ZC3H4: variants seen among roughly 807,000 people sequenced by gnomAD.
The protein encoded by ZC3H4 is zinc finger CCCH-type containing 4, also known as zinc finger CCCH domain-containing protein 4.
ZC3H4 carries 13 observed loss-of-function variants against 108.3 expected under a neutral mutation model. That is an observed-to-expected ratio of 0.12 (90% CI 0.08 to 0.19). ZC3H4 has a LOEUF of 0.19. ZC3H4 is among the 10% of genes least tolerant of loss of function. The pLI is 1.00. For synonymous variants in ZC3H4, 917 were observed against 749.6 expected (o/e 1.22, Z -3.65); for missense variants, 1,734 against 1,838.8 (o/e 0.94, Z 1.04).
intron 8 of ZC3H4, 75 bp from the exon 9 acceptor site, chr19:47,084,530 C>G: frequency 6.9e-7 from 1 of 1,447,092 alleles, no homozygotes; most frequent in Non-Finnish European, 9.7e-7. Flanking sequence ...TAATAAGAAG[C>G]ACGGGAGAAG....
rs747013765 is a variant in ZC3H4 at position 47,072,600 on chromosome 19, G to C, written c.1554C>G (p.Pro518=). The C allele has an allele frequency of 6.2e-7, 1 of 1,606,438 alleles. No homozygotes were observed. Among genetic ancestry groups the C allele is most frequent in the South Asian group, 1.1e-5 (1 of 90,380 alleles). The change falls in exon 12 of 15, where the codon CCC becomes CCG. Residue 518 remains proline (P), a synonymous_variant. Coordinates refer to ENST00000253048, the MANE Select transcript of ZC3H4 (RefSeq NM_015168.2). The surrounding 1 kb of genome is among the most constrained non-coding windows in gnomAD (Gnocchi z 5.6). ...PKPPPGVGLL[P]TPPRPPGPQA... ...GCGGGCCAGGGGGCCGAGGAGGGGTGGGCAGGAGGCCCACACCAGGGGGCG... is the reference window on the plus strand; with the variant it reads ...GCGGGCCAGGGGGCCGAGGAGGGGTCGGCAGGAGGCCCACACCAGGGGGCG...
At position 47,071,995 on chromosome 19, in the gene ZC3H4, G is replaced by A. The variant is rs1339315468; in HGVS notation, c.1929C>T (p.Asp643=). Residue 643 remains aspartate, a synonymous_variant, in exon 13 of 15, where the codon GAC becomes GAT. Coordinates refer to ENST00000253048, the MANE Select transcript of ZC3H4 (RefSeq NM_015168.2). ...TGTCTGCGTGCATGTCTGCGTGCATGTCAGGGTGCATGTCCGGGTGCATGT... is the reference window on the plus strand; with the variant it reads ...TGTCTGCGTGCATGTCTGCGTGCATATCAGGGTGCATGTCCGGGTGCATGT... The part of the protein sequence containing the change: ...HPDMHPDMHP[D]MHADMHADMP... 1.2e-6 allele frequency: 2 copies of A among 1,602,942 alleles called. No individual in the cohort carries two copies. Among genetic ancestry groups the A allele is most frequent in the Non-Finnish European group, 1.7e-6 (2 of 1,174,574 alleles).
intron 9 of ZC3H4, among the ~76,000 whole-genome samples, chr19:47,083,041 CTTAAT>C (rs1302764249): frequency 6.6e-6 from 1 of 152,044 alleles, no homozygotes; most frequent in Non-Finnish European, 1.5e-5. Flanking sequence ...ATTCATTTGT[CTTAAT>C]TTATTTACTT....
Position 47,072,156 on chromosome 19 carries a change from G to A in ZC3H4, c.1803-35C>T. 2 of 1,486,048 alleles carry A rather than the reference G, an allele frequency of 1.3e-6. No individual in the cohort carries two copies. Among genetic ancestry groups the A allele is most frequent in the Non-Finnish European group, 1.8e-6 (2 of 1,118,414 alleles). The allele number at this position is 1,486,048 out of a possible 1,614,324, so 92.1% of individuals were successfully genotyped here. On this transcript the variant is annotated intron_variant, in intron 12 of 14. Transcript: ENST00000253048. The surrounding 1 kb of genome is among the most constrained non-coding windows in gnomAD (Gnocchi z 5.6). ...GGAAAAGGTGCCTGTGACGGAAGCT[G>A]CCGAGGAGGGCAGTGGCCACACCCC...
rs539441902 is a variant in ZC3H4, at chr19:47,094,087, T to C, written c.382-7A>G. On this transcript the variant is annotated splice_region_variant and splice_polypyrimidine_tract_variant and intron_variant, in intron 3 of 14. Transcript: ENST00000253048. ...CGCTAGAAGAAGCATGGCGCTGTAA[T>C]GACAGGGGAAGGAGACTCAGCAACC... 2 of 1,613,572 alleles carry C rather than the reference T, an allele frequency of 1.2e-6. No individual in the cohort carries two copies. Among genetic ancestry groups the C allele is most frequent in the East Asian group, 2.2e-5 (1 of 44,872 alleles).
rs1324812880 is a variant in ZC3H4 at position 47,066,374 on chromosome 19, G to C, written c.3894C>G (p.Ala1298=). 1 of 1,558,364 alleles carries C rather than the reference G, an allele frequency of 6.4e-7. No individual in the cohort carries two copies. Among genetic ancestry groups the C allele is most frequent in the South Asian group, 1.2e-5 (1 of 82,064 alleles). The change falls in exon 15 of 15, where the codon GCC becomes GCG. Residue 1298 remains alanine (A), a synonymous_variant. Transcript: ENST00000253048. ...KDVFKGFDPT[A]SPFCQ ...CTGGACACTACTGGCAAAAGGGGGAGGCCGTGGGGTCGAAGCCTTTAAAAA... is the reference window on the plus strand; with the variant it reads ...CTGGACACTACTGGCAAAAGGGGGACGCCGTGGGGTCGAAGCCTTTAAAAA...
chr19:47,093,122 A>G lies in ZC3H4; in HGVS notation c.492+848T>C, dbSNP rs2057764455. Among the ~76,000 whole-genome samples, 3 of 150,676 alleles carry G rather than the reference A, an allele frequency of 2.0e-5. No individual in the cohort carries two copies. In the South Asian group the frequency reaches 6.3e-4, roughly 32 times the overall value. ...TCCCAGCTACTCAGGATGCTGAAGCAGAAGAATGGTGCGACCCCAGGAGAC... is the reference window on the plus strand; with the variant it reads ...TCCCAGCTACTCAGGATGCTGAAGCGGAAGAATGGTGCGACCCCAGGAGAC... On this transcript the variant is annotated intron_variant, in intron 4 of 14. Coordinates refer to ENST00000253048, the MANE Select transcript of ZC3H4 (RefSeq NM_015168.2).
chr19:47,088,499 G>A (rs1254323617), intron 5 of ZC3H4, among the ~76,000 whole-genome samples: 1 of 151,728 alleles, frequency 6.6e-6, no homozygotes, highest in Non-Finnish European at 1.5e-5. Context: ...AGTGAGCCGA[G>A]ATCGCGCCAT....
chr19:47,067,337 C>T lies in ZC3H4; in HGVS notation c.2931G>A (p.Val977=). The change falls in exon 15 of 15, where the codon GTG becomes GTA. Residue 977 remains valine, a synonymous_variant. Transcript: ENST00000253048. This position sits in a 1 kb window ranked among gnomAD's most constrained non-coding sequence, Gnocchi z 6.4. ...GGATCAGGTCCTCGGGATTCCAGAG[C>T]ACGGTGCGGGCGAAGCTGGGCTTGC... The part of the protein sequence containing the change: ...TLSKPSFART[V]LWNPEDLIPL... 1.2e-6 allele frequency: 2 copies of T among 1,601,562 alleles called. No homozygotes were observed. The highest frequency in any genetic ancestry group is 2.2e-5 in the East Asian group (1 of 44,722).
chr19:47,067,799 G>C lies in ZC3H4; in HGVS notation c.2469C>G (p.Thr823=). The change falls in exon 15 of 15, where the codon ACC becomes ACG. Residue 823 remains threonine (T), a synonymous_variant. Transcript: ENST00000253048. This position sits in a 1 kb window ranked among gnomAD's most constrained non-coding sequence, Gnocchi z 6.4. ...GTCGGCTGGACGTCTGCTGCCTCAA[G>C]GTCTTCAGGATGGAGGTGACACTGC... ...GGSSVTSILK[T]LRQQTSSRPP... 6.2e-7 allele frequency: 1 copy of C among 1,609,568 alleles called. No individual in the cohort carries two copies. Among genetic ancestry groups the C allele is most frequent in the Non-Finnish European group, 8.5e-7 (1 of 1,178,546 alleles).
rs867690511 is a variant in ZC3H4 at position 47,081,666 on chromosome 19, C to T, written c.1331-44G>A. 1.8e-5 allele frequency: 27 copies of T among 1,531,160 alleles called. 2 individuals carry two copies. In the Middle Eastern group the frequency reaches 3.9e-3, roughly 220 times the overall value. The allele number at this position is 1,531,160 out of a possible 1,614,324, so 94.8% of individuals were successfully genotyped here. Reference sequence around the variant, plus strand: ...TAAATGCTTCATCTCACAGAACGCCCCCCTCCCCCACCACAGACCCAAGGC... The same window carrying T: ...TAAATGCTTCATCTCACAGAACGCCTCCCTCCCCCACCACAGACCCAAGGC... On this transcript the variant is annotated intron_variant, in intron 10 of 14. Coordinates refer to ENST00000253048, the MANE Select transcript of ZC3H4 (RefSeq NM_015168.2).
Position 47,071,907 on chromosome 19 carries a change from G to C in ZC3H4, c.2017C>G (p.Pro673Ala). The C allele has an allele frequency of 6.2e-7, 1 of 1,612,432 alleles. No individual in the cohort carries two copies. The highest frequency in any genetic ancestry group is 2.2e-5 in the East Asian group (1 of 44,854). The change falls in exon 13 of 15, where the codon CCC (proline) becomes GCC (alanine). Residue 673 changes from proline to alanine, a missense_variant. By Grantham distance (27) the Pro-to-Ala change is conservative. This residue lies in a region of ZC3H4 where 540 missense variants were observed against 484.1 expected (regional missense o/e 1.12). Coordinates refer to ENST00000253048, the MANE Select transcript of ZC3H4 (RefSeq NM_015168.2). The stretch of plus-strand genomic sequence containing the variant: ...TGTGGGGAGTCTCCAGGGCCGTAGG[G>C]CATCATTGGAGGGCCGCCAGGGCCC... ...PMGPGGPPMM[P>A]YGPGDSPHSG...
intron 13 of ZC3H4, among the ~76,000 whole-genome samples, chr19:47,070,028 C>A (rs572382464): frequency 2.8e-4 from 43 of 151,970 alleles, no homozygotes; most frequent in African/African-American, 1.0e-3. Flanking sequence ...CACAGGCTGA[C>A]GTGGGGACGC....
chr19:47,084,089 T>C (rs1379952775), intron 9 of ZC3H4, among the ~76,000 whole-genome samples: 5 of 152,156 alleles, frequency 3.3e-5, no homozygotes, highest in Non-Finnish European at 7.4e-5. Context: ...GCTATATGGA[T>C]TGGTTGAAAA....
rs540698176 is a variant in ZC3H4, at chr19:47,078,361, G to A, written c.1440+3152C>T. 3.0e-4 allele frequency among the ~76,000 whole-genome samples: 45 copies of A among 152,024 alleles called. 1 individual carries two copies. Among genetic ancestry groups the A allele is most frequent in the Admixed American group, 1.9e-3 (29 of 15,240 alleles). ...CGGACGGGCATGGTGGCTCACACCT[G>A]TAATCCCGGCACTTTGGGAGGCCAA... On this transcript the variant is annotated intron_variant, in intron 11 of 14. Transcript: ENST00000253048.
chr19:47,095,745 T>C (rs1334358117), intron 2 of ZC3H4, among the ~76,000 whole-genome samples: 3 of 152,056 alleles, frequency 2.0e-5, no homozygotes, highest in Non-Finnish European at 1.5e-5. Flanking sequence ...GTACAGGAGT[T>C]GGTAAAGGAA....
chr19:47,090,898 G>A (rs1020431354), intron 4 of ZC3H4, among the ~76,000 whole-genome samples: 1 of 152,120 alleles, frequency 6.6e-6, no homozygotes, highest in African/African-American at 2.4e-5. Context: ...GGCAGGGAAG[G>A]GGGCAGGCAG....
intron 5 of ZC3H4, 107 bp downstream of exon 5, chr19:47,089,858 TTA>T: frequency 8.8e-7 from 1 of 1,138,654 alleles, no homozygotes; most frequent in Non-Finnish European, 1.3e-6. Context: ...CTTTGTACAC[TTA>T]TCCCAACCCT....
chr19:47,109,191 A>G (rs1371492483), intron 2 of ZC3H4, among the ~76,000 whole-genome samples: 1 of 152,172 alleles, frequency 6.6e-6, no homozygotes, highest in Non-Finnish European at 1.5e-5. Context: ...TCAAAAACAG[A>G]TTACCAAAAT....
Sources: allele counts gnomAD v4.1 joint callset (sites outside exome capture counted in the v4.1 genomes callset), GRCh38; gene constraint gnomAD v4.1.1; regional missense constraint gnomAD v4.1.1; non-coding constraint Gnocchi (gnomAD v3.1); transcripts MANE v1.5; gene names NCBI Gene and HGNC (gene_info 2026-07-23, HGNC 2026-07-21).